DYNC2H1: variants seen among roughly 807,000 people sequenced by gnomAD.
DYNC2H1 encodes cytoplasmic dynein 2 heavy chain 1.
In DYNC2H1, 410 loss-of-function variants were observed where a neutral mutation model predicts 570.0. That is an observed-to-expected ratio of 0.72 (90% CI 0.66 to 0.78). The LOEUF (loss-of-function observed/expected upper bound fraction) is 0.78, where lower values mean the gene tolerates loss of function less well. Ranked by LOEUF, DYNC2H1 falls within the 30% of genes least tolerant of loss-of-function variation. The pLI, the probability that DYNC2H1 is intolerant of heterozygous loss-of-function variation, is 0.00. For missense variants in DYNC2H1, 4,865 were observed against 5,046.4 expected (o/e 0.96, Z 1.09); for synonymous variants, 1,688 against 1,677.6 (o/e 1.01, Z -0.15).
intron 84 of DYNC2H1, among the ~76,000 whole-genome samples, chr11:103,418,800 C>T (rs549659251): frequency 6.6e-6 from 1 of 152,262 alleles, no homozygotes; most frequent in African/African-American, 2.4e-5. Flanking sequence ...CCTGGGAAAC[C>T]ACATTTCTCC....
intron 83 of DYNC2H1, among the ~76,000 whole-genome samples, chr11:103,384,347 A>G (rs573349715): frequency 6.6e-6 from 1 of 152,066 alleles, no homozygotes; most frequent in East Asian, 1.9e-4. Flanking sequence ...ATTTTTTGCT[A>G]GATATATCCT....
Position 103,211,775 on chromosome 11 carries a change from C to A in DYNC2H1, c.8540-14C>A. 1 of 1,103,604 alleles carries A rather than the reference C, an allele frequency of 9.1e-7. No individual in the cohort carries two copies. The highest frequency in any genetic ancestry group is 1.2e-6 in the Non-Finnish European group (1 of 800,466). The allele number at this position is 1,103,604 out of a possible 1,614,324, so 68.4% of individuals were successfully genotyped here. Reference sequence around the variant, plus strand: ...ACATATAATAAGTTATTTTTATTTTCTATTTTTTTCTAGTTGATCCTGATT... The same window carrying A: ...ACATATAATAAGTTATTTTTATTTTATATTTTTTTCTAGTTGATCCTGATT... On this transcript the variant is annotated splice_polypyrimidine_tract_variant and intron_variant, in intron 53 of 88. Transcript: ENST00000375735.
At chr11:103,152,568 G>C (rs1437126154) in intron 21 of DYNC2H1, among the ~76,000 whole-genome samples, 1 of 151,986 alleles carries the variant, frequency 6.6e-6, no homozygotes, top group East Asian at 1.9e-4. Context: ...ATGGCTTATT[G>C]CTGAAACTCA....
chr11:103,456,804 T>G (rs1395899389), intron 87 of DYNC2H1, among the ~76,000 whole-genome samples: 3 of 152,236 alleles, frequency 2.0e-5, no homozygotes, highest in Non-Finnish European at 4.4e-5. Flanking sequence ...GTGGCCAAGA[T>G]AGTGACACCT....
chr11:103,462,301 A>G (rs1420560553), intron 87 of DYNC2H1, among the ~76,000 whole-genome samples: 1 of 146,474 alleles, frequency 6.8e-6, no homozygotes, highest in Non-Finnish European at 1.5e-5. Context: ...ATCTAATTAC[A>G]TTGATTTTTT....
chr11:103,140,953 A>G (rs1462747521), intron 17 of DYNC2H1, among the ~76,000 whole-genome samples: 1 of 151,300 alleles, frequency 6.6e-6, no homozygotes, highest in African/African-American at 2.4e-5. Context: ...CATTTCATTC[A>G]TTTCATCTTC....
chr11:103,408,222 G>A (rs1942945877), intron 84 of DYNC2H1: 1 of 151,970 alleles, frequency 6.6e-6, no homozygotes, highest in African/African-American at 2.4e-5. Flanking sequence ...AAGTTTTATT[G>A]CATCAGCAAA....
chr11:103,409,664 T>TAAGA (rs1367248917), intron 84 of DYNC2H1: 1 of 154,276 alleles, frequency 6.5e-6, no homozygotes. Flanking sequence ...GGGAGTTGTC[T>TAAGA]AAGATTCTAT....
intron 85 of DYNC2H1, among the ~76,000 whole-genome samples, chr11:103,437,016 T>TACACTTC (rs1158261815): frequency 2.6e-5 from 4 of 152,114 alleles, no homozygotes; most frequent in Non-Finnish European, 5.9e-5. Context: ...GTGTACAGTG[T>TACACTTC]ACACTTCAGA....
intron 82 of DYNC2H1, among the ~76,000 whole-genome samples, chr11:103,355,527 G>T (rs750566776): frequency 2.2e-4 from 33 of 152,166 alleles, no homozygotes; most frequent in Non-Finnish European, 1.0e-4. Context: ...ATCATTTGGG[G>T]TGCTTCATGA....
At chr11:103,412,080 C>T (rs1463713374) in intron 84 of DYNC2H1, among the ~76,000 whole-genome samples, 2 of 152,120 alleles carry the variant, frequency 1.3e-5, no homozygotes, top group Non-Finnish European at 1.5e-5. Context: ...CTGACATTTA[C>T]TTTCTAATGA....
intron 83 of DYNC2H1, among the ~76,000 whole-genome samples, chr11:103,364,425 C>G (rs986624292): frequency 3.3e-5 from 5 of 152,004 alleles, no homozygotes; most frequent in Middle Eastern, 6.8e-3. Context: ...GGCTGCTTTA[C>G]AGTCCTTGTT....
chr11:103,140,012 G>T (rs1859814010), intron 17 of DYNC2H1, among the ~76,000 whole-genome samples: 1 of 152,054 alleles, frequency 6.6e-6, no homozygotes, highest in Non-Finnish European at 1.5e-5. Context: ...TTTAAAGTCT[G>T]TTTTATCAGA....
At chr11:103,220,988 G>C (rs1863563741) in intron 57 of DYNC2H1, among the ~76,000 whole-genome samples, 1 of 151,976 alleles carries the variant, frequency 6.6e-6, no homozygotes, top group Non-Finnish European at 1.5e-5. Flanking sequence ...TGTTAAAAGT[G>C]TCAAAAGAGG....
intron 73 of DYNC2H1, 95 bp downstream of exon 73, chr11:103,283,180 AC>A: frequency 1.0e-6 from 1 of 988,080 alleles, no homozygotes; most frequent in Non-Finnish European, 1.5e-6. Flanking sequence ...ATCAGTGTTA[AC>A]ATTTTTAATA....
intron 53 of DYNC2H1, among the ~76,000 whole-genome samples, chr11:103,211,250 A>C (rs999694002): frequency 1.3e-5 from 2 of 151,998 alleles, no homozygotes; most frequent in Non-Finnish European, 2.9e-5. Flanking sequence ...AATTGATTTC[A>C]TTCACTGGGG....
chr11:103,128,196 G>T (rs1859090930), intron 12 of DYNC2H1, among the ~76,000 whole-genome samples: 1 of 152,140 alleles, frequency 6.6e-6, no homozygotes, highest in Admixed American at 6.5e-5. Context: ...TAATAGTTTT[G>T]GGATTTTTGG....
In DYNC2H1 at chr11:103,239,064, G is replaced by A. The variant is rs1469965294; in HGVS notation, c.9819+2525G>A. Among the ~76,000 whole-genome samples the A allele has an allele frequency of 1.3e-5, 2 of 152,168 alleles. No homozygotes were observed. Among genetic ancestry groups the A allele is most frequent in the Non-Finnish European group, 2.9e-5 (2 of 68,030 alleles). ...TAAGGCTGTTAGAAACTATGGAGAAGGTGTGAGTGAAAAGCATCAAGAAAG... is the reference window on the plus strand; with the variant it reads ...TAAGGCTGTTAGAAACTATGGAGAAAGTGTGAGTGAAAAGCATCAAGAAAG... On this transcript the variant is annotated intron_variant, in intron 63 of 88. Transcript: ENST00000375735. The surrounding 1 kb of genome is among the most constrained non-coding windows in gnomAD (Gnocchi z 4.3).
In DYNC2H1 at chr11:103,126,934, G is replaced by A. The variant is rs1037415288; in HGVS notation, c.1857+1639G>A. 5.9e-5 allele frequency among the ~76,000 whole-genome samples: 9 copies of A among 152,214 alleles called. No homozygotes were observed. In the South Asian group the frequency reaches 8.3e-4, roughly 14 times the overall value. ...ATTACAGGCGTGAGCCACCGCAGCC[G>A]GCCTATTTGTTTCATTTCAAAATAG... On this transcript the variant is annotated intron_variant, in intron 12 of 88. Coordinates refer to ENST00000375735, the MANE Select transcript of DYNC2H1 (RefSeq NM_001377.3).
Sources: allele counts gnomAD v4.1 joint callset (sites outside exome capture counted in the v4.1 genomes callset), GRCh38; gene constraint gnomAD v4.1.1; non-coding constraint Gnocchi (gnomAD v3.1); transcripts MANE v1.5; gene names NCBI Gene and HGNC (gene_info 2026-07-23, HGNC 2026-07-21).